Variants in ARID1B observed in about 807,000 individuals in gnomAD.
ARID1B encodes AT-rich interactive domain-containing protein 1B.
ARID1B carries 30 observed loss-of-function variants against 212.3 expected under a neutral mutation model. That is an observed-to-expected ratio of 0.14 (90% CI 0.11 to 0.19). The LOEUF (loss-of-function observed/expected upper bound fraction) is 0.19. ARID1B is among the 10% of genes least tolerant of loss of function. The pLI, the probability that ARID1B is intolerant of heterozygous loss-of-function variation, is 1.00. For synonymous variants in ARID1B, 1,402 were observed against 1,301.7 expected, an observed-to-expected ratio of 1.08 and a Z score of -1.66; for missense variants, 2,891 against 3,204.0, an observed-to-expected ratio of 0.90 and a Z score of 2.36.
At chr6:156,987,963 G>A (rs57007267) in intron 4 of ARID1B, among the ~76,000 whole-genome samples, 5,915 of 152,272 alleles carry the variant, frequency 0.039, 165 homozygotes, top group African/African-American at 0.079. Context: ...GATAATAAGT[G>A]TGTGCATGAT....
At chr6:156,879,087 C>A (rs984927432) in intron 2 of ARID1B, among the ~76,000 whole-genome samples, 1 of 152,232 alleles carries the variant, frequency 6.6e-6, no homozygotes, top group African/African-American at 2.4e-5. Context: ...CCGCACCAGC[C>A]TATCCCGGCT....
In ARID1B at chr6:157,201,078, G is replaced by A. The variant is rs1794073478; in HGVS notation, c.4853G>A (p.Arg1618His). The A allele has an allele frequency of 5.6e-6, 9 of 1,613,970 alleles. No homozygotes were observed. Among genetic ancestry groups the A allele is most frequent in the Non-Finnish European group, 6.8e-6 (8 of 1,180,010 alleles). ...TQAPPYPGMN[R>H]TDDMMVPDQR... ...GCGCCCCCTTACCCAGGCATGAACC[G>A]CACAGACGATATGATGGTACCCGAT... is the stretch of plus-strand genomic sequence containing the variant. Residue 1618 changes from arginine to histidine, a missense_variant, in exon 18 of 20, where the codon CGC becomes CAC. Arg to His is a conservative substitution (Grantham distance 29). This residue lies in a region of ARID1B where 666 missense variants were observed against 873.5 expected (regional missense o/e 0.76). Coordinates refer to ENST00000636930, the MANE Select transcript of ARID1B (RefSeq NM_001374828.1). The surrounding 1 kb of genome is among the most constrained non-coding windows in gnomAD (Gnocchi z 5.2).
intron 3 of ARID1B, among the ~76,000 whole-genome samples, chr6:156,921,809 CTTCT>C (rs770681754): frequency 1.3e-5 from 2 of 152,168 alleles, no homozygotes; most frequent in Non-Finnish European, 2.9e-5. Context: ...ACAACAGAAT[CTTCT>C]TTATCTTTTA....
chr6:156,990,445 C>A (rs1283118735), intron 4 of ARID1B, among the ~76,000 whole-genome samples: 4 of 152,000 alleles, frequency 2.6e-5, no homozygotes, highest in Non-Finnish European at 5.9e-5. Flanking sequence ...GATCAAGACC[C>A]TCCTGGCCAT....
intron 9 of ARID1B, chr6:157,173,339 C>G (rs1791853179): frequency 6.6e-6 from 1 of 152,248 alleles, no homozygotes; most frequent in Admixed American, 6.5e-5. Context: ...GGCCTCTGAC[C>G]TGGGCATTGA....
chr6:157,059,321 T>C (rs1783188294), intron 4 of ARID1B, among the ~76,000 whole-genome samples: 1 of 152,182 alleles, frequency 6.6e-6, no homozygotes, highest in African/African-American at 2.4e-5. Flanking sequence ...CTCCATTCGC[T>C]AGAAAATGGT....
intron 1 of ARID1B, among the ~76,000 whole-genome samples, chr6:156,805,424 G>T (rs1159379524): frequency 6.6e-6 from 1 of 152,084 alleles, no homozygotes; most frequent in Non-Finnish European, 1.5e-5. Flanking sequence ...AAATGAGGTC[G>T]CATGTTTAAA....
intron 2 of ARID1B, among the ~76,000 whole-genome samples, chr6:156,859,714 A>C (rs1418745322): frequency 6.6e-6 from 1 of 152,218 alleles, no homozygotes; most frequent in Non-Finnish European, 1.5e-5. Flanking sequence ...GTTGCAAAAC[A>C]TGGTTTTTTG....
chr6:156,779,505 C>A (rs1779037471), intron 1 of ARID1B, 34 bp downstream of exon 1: 1 of 1,291,826 alleles, frequency 7.7e-7, no homozygotes, highest in Non-Finnish European at 9.8e-7. Flanking sequence ...TGCTTCCGCC[C>A]GGCGGCCTCG....
intron 6 of ARID1B, among the ~76,000 whole-genome samples, chr6:157,115,724 G>C (rs1787282568): frequency 1.3e-5 from 2 of 152,184 alleles, no homozygotes; most frequent in Non-Finnish European, 2.9e-5. Flanking sequence ...ACCGCACCCA[G>C]CGGAACTTCT....
At chr6:157,198,214 C>G (rs1793868271) in intron 16 of ARID1B, among the ~76,000 whole-genome samples, 1 of 152,128 alleles carries the variant, frequency 6.6e-6, no homozygotes, top group Non-Finnish European at 1.5e-5. Flanking sequence ...TTATTCTTTT[C>G]TGGAGCCTTT....
intron 7 of ARID1B, chr6:157,140,911 G>C (rs973058069): frequency 4.3e-5 from 16 of 372,890 alleles, no homozygotes; most frequent in Non-Finnish European, 4.7e-5. Context: ...CTCATGACAT[G>C]TTCTTGATTT....
At chr6:157,186,252 C>CT (rs1392056064) in intron 13 of ARID1B, 6 of 344,294 alleles carry the variant, frequency 1.7e-5, no homozygotes, top group Non-Finnish European at 2.9e-5. Context: ...CAGCCGTTCC[C>CT]TTTTCCCCTT....
chr6:156,906,556 A>G (rs1402188538), intron 3 of ARID1B, among the ~76,000 whole-genome samples: 7 of 138,406 alleles, frequency 5.1e-5, no homozygotes, highest in African/African-American at 2.2e-4. Flanking sequence ...CAAAAAAAAA[A>G]AAAAAAAAAA....
At chr6:156,976,233 C>G (rs923964313) in intron 4 of ARID1B, 1 of 154,606 alleles carries the variant, frequency 6.5e-6, no homozygotes, top group East Asian at 1.9e-4. Context: ...ATGTGCAGGT[C>G]ACAGGGGATA....
In ARID1B at chr6:157,062,437, A is replaced by G. The variant is rs117398866; in HGVS notation, c.2248-22225A>G. ...GGTCTTGAATTCCTAGCTTCAAGCA[A>G]TCCTCTCACCTTGGCCTCCCAAAAG... On this transcript the variant is annotated intron_variant, in intron 4 of 19. Transcript: ENST00000636930. Among the ~76,000 whole-genome samples the G allele has an allele frequency of 2.5e-3, 385 of 152,060 alleles. 6 individuals are homozygous for G. In the East Asian group the frequency reaches 0.052, roughly 20 times the overall value.
intron 4 of ARID1B, among the ~76,000 whole-genome samples, chr6:157,066,213 T>G (rs1583245099): frequency 6.6e-6 from 1 of 152,372 alleles, no homozygotes; most frequent in East Asian, 1.9e-4. Flanking sequence ...CTGTTTCATA[T>G]AGTAACTAAA....
chr6:156,855,285 T>C (rs1784837348), intron 2 of ARID1B, among the ~76,000 whole-genome samples: 1 of 152,224 alleles, frequency 6.6e-6, no homozygotes, highest in African/African-American at 2.4e-5. Flanking sequence ...CACATTGTTT[T>C]TTGATTTTCG....
At chr6:156,786,698 C>A (rs1779655694) in intron 1 of ARID1B, among the ~76,000 whole-genome samples, 1 of 152,138 alleles carries the variant, frequency 6.6e-6, no homozygotes, top group South Asian at 2.1e-4. Flanking sequence ...AGATAAATAT[C>A]TACTCCAGAC....
Sources: allele counts gnomAD v4.1 joint callset (sites outside exome capture counted in the v4.1 genomes callset), GRCh38; gene constraint gnomAD v4.1.1; regional missense constraint gnomAD v4.1.1; non-coding constraint Gnocchi (gnomAD v3.1); transcripts MANE v1.5; gene names NCBI Gene and HGNC (gene_info 2026-07-23, HGNC 2026-07-21).